Variants in MUC21 observed in about 807,000 individuals in gnomAD.
MUC21 encodes mucin 21, cell surface associated.
MUC21 carries 8 observed loss-of-function variants against 9.1 expected under a neutral mutation model. That is an observed-to-expected ratio of 0.88 (90% CI 0.52 to 1.59). The LOEUF is 1.59. Ranked by LOEUF, MUC21 falls within the 40% of genes most tolerant of loss-of-function variation. The pLI, the probability that MUC21 is intolerant of heterozygous loss-of-function variation, is 0.00. For missense variants in MUC21, 478 were observed against 694.2 expected, an observed-to-expected ratio of 0.69 and a Z score of 3.50; for synonymous variants, 189 against 275.2, an observed-to-expected ratio of 0.69 and a Z score of 3.10.
chr6:30,986,412 G>A lies in MUC21; in HGVS notation c.237G>A (p.Glu79=). ...SNGVSIVTNS[E]FHTTSSGIST... ...GGGTCAGCATAGTCACCAACTCTGA[G>A]TTCCATACAACCTCCAGTGGGATCA... The change falls in exon 2 of 3, where the codon GAG becomes GAA. Residue 79 remains glutamate, a synonymous_variant. Coordinates refer to ENST00000376296, the MANE Select transcript of MUC21 (RefSeq NM_001010909.5). 1.2e-6 allele frequency: 2 copies of A among 1,613,412 alleles called. No individual in the cohort carries two copies. The highest frequency in any genetic ancestry group is 1.7e-6 in the Non-Finnish European group (2 of 1,179,782).
chr6:30,988,037 C>T lies in MUC21; in HGVS notation c.1544C>T (p.Ala515Val). The T allele has an allele frequency of 7.2e-7, 1 of 1,387,736 alleles. No individual in the cohort carries two copies. The highest frequency in any genetic ancestry group is 1.0e-6 in the Non-Finnish European group (1 of 974,628). 86.0% of individuals were successfully genotyped at this position (1,387,736 alleles called of 1,614,324 possible). A position where few individuals can be genotyped will look rare whatever the true frequency, so the allele number is the denominator to read the frequency against. Reference sequence around the variant, plus strand: ...TCCCTGAGAAACACCTTTAACACAGCTGTCTACCACCCTCATGGCCTCAAC... The same window carrying T: ...TCCCTGAGAAACACCTTTAACACAGTTGTCTACCACCCTCATGGCCTCAAC... ...SLSLRNTFNTAVYHPHGLNHG... is the reference protein window; with the variant it reads ...SLSLRNTFNTVVYHPHGLNHG... The change falls in exon 3 of 3, where the codon GCT (alanine) becomes GTT (valine). Residue 515 changes from alanine to valine, a missense_variant. By Grantham distance (64) the Ala-to-Val change is moderately conservative. Around this residue, in one of 5 missense-constraint regions of MUC21, gnomAD observed 158 missense variants for 192.6 expected, o/e 0.82. Transcript: ENST00000376296.
At chr6:30,984,533 G>T (rs1762167949) in intron 1 of MUC21, among the ~76,000 whole-genome samples, 1 of 152,154 alleles carries the variant, frequency 6.6e-6, no homozygotes. Flanking sequence ...AGCTGAGTGT[G>T]TTGGCTTGTC....
At position 30,989,396 on chromosome 6, in the gene MUC21, T is replaced by G. The variant is rs1014763216; in HGVS notation, c.*1202T>G. 4 of 152,192 alleles carry G rather than the reference T, an allele frequency of 2.6e-5. No individual in the cohort carries two copies. Among genetic ancestry groups the G allele is most frequent in the Admixed American group, 6.5e-5 (1 of 15,282 alleles). The allele number at this position is 152,192 out of a possible 1,614,324, so 9.4% of individuals were successfully genotyped here. On this transcript the variant is annotated 3_prime_UTR_variant, in exon 3 of 3. Coordinates refer to ENST00000376296, the MANE Select transcript of MUC21 (RefSeq NM_001010909.5). Reference sequence around the variant, plus strand: ...GTGCAATCATAGCTCATTGCAGCCTTCAATTCCTGGGCTCAGGCAATCCTC... The same window carrying G: ...GTGCAATCATAGCTCATTGCAGCCTGCAATTCCTGGGCTCAGGCAATCCTC...
chr6:30,988,305 C>T lies in MUC21; in HGVS notation c.*111C>T. ...GACCCCTCCCAGCTTTGTTTGAGAT[C>T]CTGAAAATCTTGAAGAAGGTATTCC... On this transcript the variant is annotated 3_prime_UTR_variant, in exon 3 of 3. Transcript: ENST00000376296. The T allele has an allele frequency of 9.7e-7, 1 of 1,026,250 alleles. No individual in the cohort carries two copies. The highest frequency in any genetic ancestry group is 1.4e-6 in the Non-Finnish European group (1 of 722,620). The allele number at this position is 1,026,250 out of a possible 1,614,324, so 63.6% of individuals were successfully genotyped here. A position where few individuals can be genotyped will look rare whatever the true frequency, so the allele number is the denominator to read the frequency against.
At position 30,988,631 on chromosome 6, in the gene MUC21, A is replaced by C. The variant is rs1762492463; in HGVS notation, c.*437A>C. 6.2e-6 allele frequency: 1 copy of C among 162,232 alleles called. No individual in the cohort carries two copies. The highest frequency in any genetic ancestry group is 1.9e-4 in the South Asian group (1 of 5,182). The allele number at this position is 162,232 out of a possible 1,614,324, so 10.0% of individuals were successfully genotyped here. ...TCTCTGAGACACCCCGATTGGCTGG[A>C]GAATTGACTTGGGAGAGATAAGGAG... On this transcript the variant is annotated 3_prime_UTR_variant, in exon 3 of 3. Coordinates refer to ENST00000376296, the MANE Select transcript of MUC21 (RefSeq NM_001010909.5).
rs1762488187 is a variant in MUC21 at position 30,988,553 on chromosome 6, T to C, written c.*359T>C. 9.0e-6 allele frequency: 2 copies of C among 222,028 alleles called. No homozygotes were observed. Among genetic ancestry groups the C allele is most frequent in the Non-Finnish European group, 1.7e-5 (2 of 115,492 alleles). The allele number at this position is 222,028 out of a possible 1,614,324, so 13.8% of individuals were successfully genotyped here. A position where few individuals can be genotyped will look rare whatever the true frequency, so the allele number is the denominator to read the frequency against. ...CAGTAAAATCCAAAGACCTCATTCT[T>C]ATCTGTGTGTCTGCATTTTCTAATC... On this transcript the variant is annotated 3_prime_UTR_variant, in exon 3 of 3. Transcript: ENST00000376296.
In MUC21 at chr6:30,988,304, T is replaced by C. The variant is rs1762478128; in HGVS notation, c.*110T>C. ...AGACCCCTCCCAGCTTTGTTTGAGA[T>C]CCTGAAAATCTTGAAGAAGGTATTC... On this transcript the variant is annotated 3_prime_UTR_variant, in exon 3 of 3. Transcript: ENST00000376296. 2 of 1,029,168 alleles carry C rather than the reference T, an allele frequency of 1.9e-6. No homozygotes were observed. The highest frequency in any genetic ancestry group is 2.8e-6 in the Non-Finnish European group (2 of 725,222). The allele number at this position is 1,029,168 out of a possible 1,614,324, so 63.8% of individuals were successfully genotyped here.
Position 30,988,334 on chromosome 6 carries a change from C to T in MUC21, c.*140C>T. The stretch of plus-strand genomic sequence containing the variant: ...AAAATCTTGAAGAAGGTATTCCTCA[C>T]CTTTCTTGCCTTTACCAGACACTGG... On this transcript the variant is annotated 3_prime_UTR_variant, in exon 3 of 3. Transcript: ENST00000376296. The T allele has an allele frequency of 1.4e-6, 1 of 703,518 alleles. No individual in the cohort carries two copies. Among genetic ancestry groups the T allele is most frequent in the Non-Finnish European group, 2.3e-6 (1 of 433,656 alleles). The allele number at this position is 703,518 out of a possible 1,614,324, so 43.6% of individuals were successfully genotyped here.
At position 30,986,465 on chromosome 6, in the gene MUC21, C is replaced by T. The variant is rs148455904; in HGVS notation, c.290C>T (p.Thr97Ile). The T allele has an allele frequency of 6.4e-5, 103 of 1,598,676 alleles. No homozygotes were observed. The African/African-American group carries it at 1.3e-3, about 20-fold the overall frequency. ...ACAGCCACCAACTCTGAGTTCAGCA[C>T]AGTGTCCAGTGGGATCAGCATAGCC... ...ISTATNSEFS[T>I]VSSGISIATN... The change falls in exon 2 of 3, where the codon ACA becomes ATA. Residue 97 changes from threonine (T) to isoleucine (I), a missense_variant. By Grantham distance (89) the Thr-to-Ile change is moderately conservative. Transcript: ENST00000376296.
rs1048518606 is a variant in MUC21 at position 30,988,422 on chromosome 6, C to G, written c.*228C>G. 8.1e-6 allele frequency: 4 copies of G among 494,152 alleles called. No homozygotes were observed. Among genetic ancestry groups the G allele is most frequent in the African/African-American group, 5.9e-5 (3 of 50,838 alleles). The allele number at this position is 494,152 out of a possible 1,614,324, so 30.6% of individuals were successfully genotyped here. ...AATACATCTCATCTAACACACACGA[C>G]AAAGAGAAGCTGTGCGTGCCCCGGG... On this transcript the variant is annotated 3_prime_UTR_variant, in exon 3 of 3. Coordinates refer to ENST00000376296, the MANE Select transcript of MUC21 (RefSeq NM_001010909.5).
Position 30,984,001 on chromosome 6 carries a change from C to T in MUC21, c.43C>T (p.Leu15=), listed in dbSNP as rs6918439. ...AAATGTTCTCCTTATGTTTGGTCTA[C>T]TATTGCATTTAGAAGCTGGTGAGTG... ...KGNVLLMFGL[L]LHLEAATNSN... is the part of the protein sequence containing the mutation. The change falls in exon 1 of 3, where the codon CTA becomes TTA. Residue 15 remains leucine (L), a synonymous_variant. Transcript: ENST00000376296. The T allele has an allele frequency of 4.1e-3, 3,163 of 779,788 alleles. 56 individuals carry two copies. In the African/African-American group the frequency reaches 0.043, roughly 11 times the overall value. 48.3% of individuals were successfully genotyped at this position (779,788 alleles called of 1,614,324 possible). A position where few individuals can be genotyped will look rare whatever the true frequency, so the allele number is the denominator to read the frequency against.
rs1346036842 is a variant in MUC21, at chr6:30,989,011, G to A, written c.*817G>A. The A allele has an allele frequency of 1.3e-5, 2 of 152,222 alleles. No individual in the cohort carries two copies. Among genetic ancestry groups the A allele is most frequent in the African/African-American group, 2.4e-5 (1 of 41,434 alleles). The allele number at this position is 152,222 out of a possible 1,614,324, so 9.4% of individuals were successfully genotyped here. A position where few individuals can be genotyped will look rare whatever the true frequency, so the allele number is the denominator to read the frequency against. On this transcript the variant is annotated 3_prime_UTR_variant, in exon 3 of 3. Coordinates refer to ENST00000376296, the MANE Select transcript of MUC21 (RefSeq NM_001010909.5). ...GATTCTCATAAATCCCCGCCCAGAAGAGCTGCACGTATCCCTTTCATGAGT... is the reference window on the plus strand; with the variant it reads ...GATTCTCATAAATCCCCGCCCAGAAAAGCTGCACGTATCCCTTTCATGAGT...
chr6:30,987,660 T>C lies in MUC21; in HGVS notation c.1485T>C (p.Phe495=), dbSNP rs376336597. 6 of 1,613,844 alleles carry C rather than the reference T, an allele frequency of 3.7e-6. No individual in the cohort carries two copies. The highest frequency in any genetic ancestry group is 2.7e-5 in the African/African-American group (2 of 74,932). The change falls in exon 2 of 3, where the codon TTT becomes TTC. Residue 495 remains phenylalanine, a synonymous_variant. Coordinates refer to ENST00000376296, the MANE Select transcript of MUC21 (RefSeq NM_001010909.5). The part of the protein sequence containing the change: ...LVSVVAAVGL[F]AGLFFCVRNS... ...CGGTTGTGGCGGCCGTGGGGCTCTT[T>C]GCTGGGCTCTTCTTCTGTGTGGTGA...
Position 30,986,285 on chromosome 6 carries a change from T to A in MUC21, c.110T>A (p.Val37Glu). Residue 37 changes from valine (V) to glutamate (E), a missense_variant, in exon 2 of 3, where the codon GTG becomes GAG. Physicochemically the swap from Val to Glu is moderately radical, Grantham distance 121 (BLOSUM62 -2). This residue lies in a region of MUC21 where 110 missense variants were observed against 108.3 expected (regional missense o/e 1.02). Transcript: ENST00000376296. The stretch of plus-strand genomic sequence containing the variant: ...ACCTCTGCCAACACTGGATCCAGTG[T>A]GATCTCCAGTGGAGCCAGCACAGCC... ...TSTSANTGSS[V>E]ISSGASTATN... 6.2e-7 allele frequency: 1 copy of A among 1,606,956 alleles called. No homozygotes were observed.
intron 1 of MUC21, among the ~76,000 whole-genome samples, chr6:30,985,846 T>A (rs1027275229): frequency 7.9e-5 from 12 of 152,194 alleles, no homozygotes; most frequent in Non-Finnish European, 1.3e-4. Context: ...AATGGCTCGA[T>A]CTCGACTCAC....
At chr6:30,987,719 G>A (rs1232727797) in intron 2 of MUC21, 38 bp downstream of exon 2, 3 of 1,597,788 alleles carry the variant, frequency 1.9e-6, no homozygotes, top group Non-Finnish European at 2.6e-6. Context: ...CTGGGGGAAG[G>A]AGCAGCAGAA....
At position 30,984,005 on chromosome 6, in the gene MUC21, T is replaced by A. The variant is rs1171810944; in HGVS notation, c.47T>A (p.Leu16Ter). The A allele has an allele frequency of 1.3e-6, 1 of 779,896 alleles. No homozygotes were observed. Among genetic ancestry groups the A allele is most frequent in the African/African-American group, 1.7e-5 (1 of 59,258 alleles). The allele number at this position is 779,896 out of a possible 1,614,324, so 48.3% of individuals were successfully genotyped here. A position where few individuals can be genotyped will look rare whatever the true frequency, so the allele number is the denominator to read the frequency against. The stretch of plus-strand genomic sequence containing the variant: ...GTTCTCCTTATGTTTGGTCTACTAT[T>A]GCATTTAGAAGCTGGTGAGTGATTT... ...GNVLLMFGLL[L>*]HLEAATNSNE... Residue 16 changes from leucine to a stop codon, truncating the protein, a stop_gained, in exon 1 of 3, where the codon TTG becomes TAG. Coordinates refer to ENST00000376296, the MANE Select transcript of MUC21 (RefSeq NM_001010909.5). LOFTEE classifies it high-confidence loss of function.
chr6:30,988,403 T>A lies in MUC21; in HGVS notation c.*209T>A. The A allele has an allele frequency of 1.8e-6, 1 of 554,664 alleles. No individual in the cohort carries two copies. The highest frequency in any genetic ancestry group is 2.8e-5 in the South Asian group (1 of 35,722). 34.4% of individuals were successfully genotyped at this position (554,664 alleles called of 1,614,324 possible). ...CTCATTTAGCTAAGAAATAAATACA[T>A]CTCATCTAACACACACGACAAAGAG... On this transcript the variant is annotated 3_prime_UTR_variant, in exon 3 of 3. Transcript: ENST00000376296.
rs2150694976 is a variant in MUC21, at chr6:30,988,254, C to T, written c.*60C>T. ...AGGAAGAGACCTGGGCACCCAAGAC[C>T]TGGTTTCCTTTCATTCATCCCAGGA... On this transcript the variant is annotated 3_prime_UTR_variant, in exon 3 of 3. Transcript: ENST00000376296. 1 of 1,496,578 alleles carries T rather than the reference C, an allele frequency of 6.7e-7. No homozygotes were observed. Among genetic ancestry groups the T allele is most frequent in the Admixed American group, 2.4e-5 (1 of 41,428 alleles). 92.7% of individuals were successfully genotyped at this position (1,496,578 alleles called of 1,614,324 possible).
Sources: allele counts gnomAD v4.1 joint callset (sites outside exome capture counted in the v4.1 genomes callset), GRCh38; gene constraint gnomAD v4.1.1; regional missense constraint gnomAD v4.1.1; transcripts MANE v1.5; gene names NCBI Gene and HGNC (gene_info 2026-07-23, HGNC 2026-07-21).